The following NLGN1 variants were observed in gnomAD, a reference collection of about 807,000 sequenced individuals.
NLGN1 encodes the protein neuroligin-1.
In NLGN1, 12 loss-of-function variants were observed where a neutral mutation model predicts 65.5. The observed-to-expected ratio is 0.18, with a 90% CI of 0.12 to 0.30. The LOEUF (loss-of-function observed/expected upper bound fraction) is 0.30, where lower values mean the gene tolerates loss of function less well. Ranked by LOEUF, NLGN1 falls within the 10% of genes least tolerant of loss-of-function variation. The probability of loss-of-function intolerance (pLI) is 1.00; values close to 1 mark genes in which losing one functional copy is unlikely to be tolerated. For synonymous variants in NLGN1, 350 were observed against 359.5 expected, an observed-to-expected ratio of 0.97 and a Z score of 0.30; for missense variants, 750 against 1,007.1, an observed-to-expected ratio of 0.74 and a Z score of 3.46.
chr3:173,545,667 A>C (rs1271369773), intron 2 of NLGN1, among the ~76,000 whole-genome samples: 1 of 152,194 alleles, frequency 6.6e-6, no homozygotes, highest in Non-Finnish European at 1.5e-5. Context: ...AGCACTGTTC[A>C]CAATAGCAAA....
At chr3:173,768,967 G>A (rs1029171006) in intron 3 of NLGN1, among the ~76,000 whole-genome samples, 3 of 151,910 alleles carry the variant, frequency 2.0e-5, no homozygotes, top group Non-Finnish European at 2.9e-5. Flanking sequence ...GCAGGGTTTC[G>A]CCATGTTGCC....
exon 7 of NLGN1, chr3:174,281,044 C>G (rs1751445665): frequency 1.2e-6 from 2 of 1,613,360 alleles, no homozygotes; most frequent in Non-Finnish European, 1.7e-6. Context: ...ATGAAGCACA[C>G]TGATTTGGAT....
intron 4 of NLGN1, among the ~76,000 whole-genome samples, chr3:174,096,270 A>G (rs1235571854): frequency 6.6e-6 from 1 of 150,766 alleles, no homozygotes; most frequent in Admixed American, 6.6e-5. Flanking sequence ...ATATAAACGT[A>G]CTGTTATTGA....
intron 3 of NLGN1, among the ~76,000 whole-genome samples, chr3:173,737,797 A>G (rs774677539): frequency 6.6e-5 from 10 of 151,980 alleles, no homozygotes; most frequent in Non-Finnish European, 1.2e-4. Flanking sequence ...GCACCATATG[A>G]TAACCCAATA....
At chr3:174,272,661 G>A (rs66523434) in intron 4 of NLGN1, among the ~76,000 whole-genome samples, 25,404 of 104,320 alleles carry the variant, frequency 0.24, 2,437 homozygotes, top group East Asian at 0.36. Context: ...ATGGATGGAT[G>A]GATGGATAGA....
chr3:174,265,150 C>G (rs1382496673), intron 4 of NLGN1, among the ~76,000 whole-genome samples: 7 of 151,718 alleles, frequency 4.6e-5, no homozygotes, highest in Non-Finnish European at 4.4e-5. Flanking sequence ...TGTGCCCTGC[C>G]CCCAGAGGTG....
intron 4 of NLGN1, among the ~76,000 whole-genome samples, chr3:174,218,492 C>T (rs1738054691): frequency 6.6e-6 from 1 of 151,812 alleles, no homozygotes; most frequent in Non-Finnish European, 1.5e-5. Flanking sequence ...CTTCTCAGCA[C>T]AAACCGATAG....
intron 4 of NLGN1, among the ~76,000 whole-genome samples, chr3:174,138,254 C>T (rs1721585641): frequency 6.6e-6 from 1 of 152,134 alleles, no homozygotes; most frequent in Non-Finnish European, 1.5e-5. Flanking sequence ...TGTTTAAGGT[C>T]TCTTGGTAAG....
chr3:173,705,539 GT>G (rs1767917264), intron 3 of NLGN1, among the ~76,000 whole-genome samples: 1 of 152,158 alleles, frequency 6.6e-6, no homozygotes, highest in South Asian at 2.1e-4. Flanking sequence ...AGCGTTTACA[GT>G]TGTGTAAGAA....
chr3:173,799,433 G>A (rs1048398725), intron 3 of NLGN1, among the ~76,000 whole-genome samples: 21 of 151,860 alleles, frequency 1.4e-4, no homozygotes, highest in African/African-American at 5.1e-4. Flanking sequence ...CACTTATTAA[G>A]CATTCACAGT....
intron 4 of NLGN1, among the ~76,000 whole-genome samples, chr3:174,124,168 A>T (rs1718367321): frequency 6.6e-6 from 1 of 152,100 alleles, no homozygotes; most frequent in South Asian, 2.1e-4. Context: ...TTTAATCTTA[A>T]ACTTCCCAGC....
chr3:173,778,703 TAA>T (rs1489325541), intron 3 of NLGN1, among the ~76,000 whole-genome samples: 5 of 151,956 alleles, frequency 3.3e-5, no homozygotes, highest in South Asian at 2.1e-4. Flanking sequence ...TTCTTAACAA[TAA>T]AGTTAATGCT....
intron 3 of NLGN1, among the ~76,000 whole-genome samples, chr3:173,693,559 C>T (rs189707793): frequency 6.6e-6 from 1 of 152,052 alleles, no homozygotes; most frequent in Non-Finnish European, 1.5e-5. Flanking sequence ...TGACAACCTG[C>T]TTATATTCTT....
At chr3:173,752,495 C>A (rs1776447199) in intron 3 of NLGN1, among the ~76,000 whole-genome samples, 1 of 152,086 alleles carries the variant, frequency 6.6e-6, no homozygotes, top group African/African-American at 2.4e-5. Flanking sequence ...CAATCCAACC[C>A]AGCACTGTAG....
chr3:173,538,802 G>A (rs1032040169), intron 2 of NLGN1, among the ~76,000 whole-genome samples: 2 of 151,794 alleles, frequency 1.3e-5, no homozygotes, highest in East Asian at 1.9e-4. Context: ...ATGCTATTCA[G>A]TAATTATTAA....
chr3:173,683,019 A>G (rs1172562750), intron 3 of NLGN1, among the ~76,000 whole-genome samples: 2 of 152,222 alleles, frequency 1.3e-5, no homozygotes, highest in African/African-American at 4.8e-5. Flanking sequence ...GTTAAAAGTT[A>G]TTAAAACCGT....
At chr3:173,664,600 C>T (rs1761441000) in intron 3 of NLGN1, among the ~76,000 whole-genome samples, 1 of 152,064 alleles carries the variant, frequency 6.6e-6, no homozygotes, top group African/African-American at 2.4e-5. Context: ...AGGAAGTTTC[C>T]ATTCATTGAA....
chr3:174,185,565 T>G (rs568831913), intron 4 of NLGN1, among the ~76,000 whole-genome samples: 1 of 152,292 alleles, frequency 6.6e-6, no homozygotes. Flanking sequence ...ATCCATATAC[T>G]TTAGTATAGT....
At chr3:173,739,364 T>C (rs1320379904) in intron 3 of NLGN1, among the ~76,000 whole-genome samples, 1 of 151,566 alleles carries the variant, frequency 6.6e-6, no homozygotes, top group Non-Finnish European at 1.5e-5. Flanking sequence ...GAAAAGCACA[T>C]GTATCTGTAA....
Sources: allele counts gnomAD v4.1 joint callset (sites outside exome capture counted in the v4.1 genomes callset), GRCh38; gene constraint gnomAD v4.1.1; transcripts MANE v1.5; gene names NCBI Gene and HGNC (gene_info 2026-07-23, HGNC 2026-07-21).